Variants in C11orf65 observed in about 807,000 individuals in gnomAD.
The protein encoded by C11orf65 is chromosome 11 open reading frame 65.
A neutral mutation model predicts 35.3 loss-of-function variants in C11orf65; 38 were observed. The observed-to-expected ratio is 1.08, with a 90% CI of 0.83 to 1.41. The LOEUF is 1.41. Ranked by LOEUF, C11orf65 falls within the 40% of genes most tolerant of loss-of-function variation. The pLI, the probability that C11orf65 is intolerant of heterozygous loss-of-function variation, is 0.00. For missense variants in C11orf65, 370 were observed against 367.1 expected (o/e 1.01, Z -0.06); for synonymous variants, 105 against 114.4 (o/e 0.92, Z 0.53).
At chr11:108,456,684 G>A (rs144355769) in intron 2 of C11orf65, among the ~76,000 whole-genome samples, 2 of 152,004 alleles carry the variant, frequency 1.3e-5, no homozygotes, top group East Asian at 3.9e-4. Flanking sequence ...GGCTGAGGCA[G>A]GAGGATTGCT....
At chr11:108,420,472 A>G (rs1416759852) in intron 3 of C11orf65, among the ~76,000 whole-genome samples, 1 of 152,114 alleles carries the variant, frequency 6.6e-6, no homozygotes, top group Non-Finnish European at 1.5e-5. Flanking sequence ...CTCACCCACC[A>G]CATTCTGCTC....
intron 2 of C11orf65, among the ~76,000 whole-genome samples, chr11:108,442,801 C>G (rs959770842): frequency 6.6e-6 from 1 of 152,126 alleles, no homozygotes; most frequent in African/African-American, 2.4e-5. Context: ...CACCAGGCCT[C>G]CCTTACAACA....
chr11:108,379,112 C>T (rs1434913852), downstream of C11orf65, among the ~76,000 whole-genome samples: 1 of 152,012 alleles, frequency 6.6e-6, no homozygotes, highest in Non-Finnish European at 1.5e-5. Flanking sequence ...TTTGACCCAG[C>T]CATCCCATTA....
Position 108,383,064 on chromosome 11 carries a change from G to C in C11orf65, c.899C>G (p.Pro300Arg). Residue 300 changes from proline to arginine, a missense_variant, in exon 9 of 9, where the codon CCA becomes CGA. Pro to Arg is a moderately radical substitution (Grantham distance 103). Coordinates refer to ENST00000393084, the MANE Select transcript of C11orf65 (RefSeq NM_152587.5). ...ATCAGGCGTTAATCTAGTTACATTT[G>C]GTTCTTGATAAACATTTTCATAGTA... ...DTYYENVYQEPNVTRLTPDST... is the reference protein window; with the variant it reads ...DTYYENVYQERNVTRLTPDST... 1 of 1,611,256 alleles carries C rather than the reference G, an allele frequency of 6.2e-7. No individual in the cohort carries two copies.
chr11:108,405,415 T>C lies in C11orf65; in HGVS notation c.560+14A>G. On this transcript the variant is annotated intron_variant, in intron 6 of 8. Coordinates refer to ENST00000393084, the MANE Select transcript of C11orf65 (RefSeq NM_152587.5). Reference sequence around the variant, plus strand: ...ATACTACGTATTTCCTTAGTAAGTGTTTCATCAACTTACATTTGCCTCATC... The same window carrying C: ...ATACTACGTATTTCCTTAGTAAGTGCTTCATCAACTTACATTTGCCTCATC... 1 of 1,608,328 alleles carries C rather than the reference T, an allele frequency of 6.2e-7. No homozygotes were observed. The highest frequency in any genetic ancestry group is 8.5e-7 in the Non-Finnish European group (1 of 1,178,748).
At chr11:108,397,906 C>T (rs909017075) in intron 6 of C11orf65, among the ~76,000 whole-genome samples, 2 of 152,082 alleles carry the variant, frequency 1.3e-5, no homozygotes, top group South Asian at 2.1e-4. Context: ...AGGTGGCAGA[C>T]AAATACACAG....
intron 2 of C11orf65, among the ~76,000 whole-genome samples, chr11:108,453,825 A>G (rs1420861476): frequency 1.3e-5 from 2 of 152,172 alleles, no homozygotes; most frequent in Non-Finnish European, 2.9e-5. Context: ...TGAAGATCCT[A>G]TTCATCTATG....
chr11:108,416,761 T>C (rs946342796), intron 3 of C11orf65, among the ~76,000 whole-genome samples: 2 of 152,068 alleles, frequency 1.3e-5, no homozygotes, highest in African/African-American at 4.8e-5. Context: ...CAACACTAGA[T>C]GCTAGCAAGG....
At chr11:108,464,569 T>C (rs10890846) in intron 1 of C11orf65, among the ~76,000 whole-genome samples, 32,071 of 151,924 alleles carry the variant, frequency 0.21, 4,132 homozygotes, top group African/African-American at 0.36. Flanking sequence ...ACCATGTTGG[T>C]CAGAATGGTC....
intron 2 of C11orf65, among the ~76,000 whole-genome samples, chr11:108,449,723 T>C (rs1363252515): frequency 6.6e-6 from 1 of 151,920 alleles, no homozygotes; most frequent in East Asian, 1.9e-4. Context: ...GACATAGGCA[T>C]AGGCAAGGAC....
intron 7 of C11orf65, among the ~76,000 whole-genome samples, chr11:108,391,147 AC>A (rs1383002186): frequency 2.0e-5 from 3 of 150,924 alleles, no homozygotes; most frequent in Non-Finnish European, 4.4e-5. Flanking sequence ...TCTCACTTTT[AC>A]TGATTTCTTC....
At chr11:108,445,280 G>C (rs1198245124) in intron 2 of C11orf65, among the ~76,000 whole-genome samples, 5 of 152,306 alleles carry the variant, frequency 3.3e-5, no homozygotes, top group Middle Eastern at 3.4e-3. Flanking sequence ...CATGCAGCTG[G>C]AGATCTGAGA....
chr11:108,324,198 T>C (rs969524284), intron 6 of C11orf65, among the ~76,000 whole-genome samples: 2 of 152,120 alleles, frequency 1.3e-5, no homozygotes, highest in Middle Eastern at 3.2e-3. Flanking sequence ...TGTGTAATAC[T>C]TTTTGGAAAT....
In C11orf65 at chr11:108,343,294, G is replaced by C. The variant is rs1293051732; in HGVS notation, c.227-8002C>G. 6.2e-7 allele frequency: 1 copy of C among 1,613,882 alleles called. No homozygotes were observed. The highest frequency in any genetic ancestry group is 8.5e-7 in the Non-Finnish European group (1 of 1,179,922). On this transcript the variant is annotated intron_variant, in intron 2 of 3. Transcript: ENST00000524755. ...AACTGTCCCCATTGGTGAATTTCTTGTTAACAATGAAGATGGTGCTCATAA... is the reference window on the plus strand; with the variant it reads ...AACTGTCCCCATTGGTGAATTTCTTCTTAACAATGAAGATGGTGCTCATAA...
Position 108,343,346 on chromosome 11 carries a change from C to A in C11orf65, c.227-8054G>T, listed in dbSNP as rs772992098. The A allele has an allele frequency of 4.3e-6, 7 of 1,613,712 alleles. No individual in the cohort carries two copies. Among genetic ancestry groups the A allele is most frequent in the Non-Finnish European group, 5.1e-6 (6 of 1,179,846 alleles). ...AGATACAGGCCAAATGATTTCAGTG[C>A]CTTTCAGTGCCAAAAGAAAATGATG... On this transcript the variant is annotated intron_variant, in intron 2 of 3. Coordinates refer to the C11orf65 transcript ENST00000524755.
At chr11:108,354,669 A>G in intron 2 of C11orf65, 1 of 790,096 alleles carries the variant, frequency 1.3e-6, no homozygotes, top group Non-Finnish European at 2.2e-6. Context: ...CCACTCTGCC[A>G]AGTATTATGC....
intron 1 of C11orf65, 22 bp downstream of exon 1, chr11:108,467,449 G>A (rs1435746797): frequency 2.0e-5 from 3 of 152,212 alleles, no homozygotes; most frequent in Admixed American, 6.5e-5. Context: ...CTGAGAGAAG[G>A]GACACTATTC....
intron 2 of C11orf65, among the ~76,000 whole-genome samples, chr11:108,450,986 T>G (rs1196788460): frequency 6.6e-6 from 1 of 151,784 alleles, no homozygotes; most frequent in African/African-American, 2.4e-5. Context: ...CTCAATAAAC[T>G]AGGTACTGAT....
chr11:108,408,689 A>AAAACAAAAC (rs1565659848), intron 3 of C11orf65, among the ~76,000 whole-genome samples: 1 of 86,974 alleles, frequency 1.1e-5, no homozygotes, highest in African/African-American at 6.0e-5. Flanking sequence ...AAAATAAAAT[A>AAAACAAAAC]AAATAAAATA....
Sources: allele counts gnomAD v4.1 joint callset (sites outside exome capture counted in the v4.1 genomes callset), GRCh38; gene constraint gnomAD v4.1.1; transcripts MANE v1.5; gene names NCBI Gene and HGNC (gene_info 2026-07-23, HGNC 2026-07-21).